The following KCTD16 variants were observed in gnomAD, a reference collection of about 807,000 sequenced individuals.
The protein encoded by KCTD16 is potassium channel tetramerization domain containing 16, also known as BTB/POZ domain-containing protein KCTD16.
KCTD16 carries 13 observed loss-of-function variants against 33.2 expected under a neutral mutation model. The observed-to-expected ratio is 0.39, with a 90% confidence interval of 0.25 to 0.62. The LOEUF is 0.62. Ranked by LOEUF, KCTD16 falls within the 20% of genes least tolerant of loss-of-function variation. The pLI is 0.50. For synonymous variants in KCTD16, 197 were observed against 195.3 expected (o/e 1.01, Z -0.07); for missense variants, 441 against 525.1 (o/e 0.84, Z 1.57).
At chr5:144,189,362 G>A (rs1408068603) in intron 2 of KCTD16, among the ~76,000 whole-genome samples, 1 of 152,050 alleles carries the variant, frequency 6.6e-6, no homozygotes, top group Non-Finnish European at 1.5e-5. Context: ...CGGGTGTGGT[G>A]GCGGGCGCCT....
At chr5:144,305,631 T>C (rs1227775503) in intron 3 of KCTD16, among the ~76,000 whole-genome samples, 1 of 151,994 alleles carries the variant, frequency 6.6e-6, no homozygotes, top group Admixed American at 6.5e-5. Flanking sequence ...CTGGCCAACA[T>C]GGTGAAACCC....
At chr5:144,377,010 C>T (rs1007349914) in intron 3 of KCTD16, among the ~76,000 whole-genome samples, 2 of 152,160 alleles carry the variant, frequency 1.3e-5, no homozygotes, top group African/African-American at 4.8e-5. Context: ...CATATCTACG[C>T]ATTCAGACTT....
chr5:144,437,660 G>A (rs1012213353), intron 3 of KCTD16, among the ~76,000 whole-genome samples: 1 of 152,108 alleles, frequency 6.6e-6, no homozygotes, highest in African/African-American at 2.4e-5. Context: ...AACATGTACA[G>A]GTAGTAACTA....
intron 2 of KCTD16, among the ~76,000 whole-genome samples, chr5:144,193,374 C>A (rs905482949): frequency 1.3e-5 from 2 of 152,028 alleles, no homozygotes; most frequent in Admixed American, 1.3e-4. Flanking sequence ...TTGAACAAGC[C>A]GAGCTTAGTT....
chr5:144,459,250 C>T (rs528397372), intron 3 of KCTD16, among the ~76,000 whole-genome samples: 1 of 152,202 alleles, frequency 6.6e-6, no homozygotes, highest in Non-Finnish European at 1.5e-5. Flanking sequence ...ATTCTCCATC[C>T]TCACTCCTAG....
At chr5:144,341,589 C>T (rs1054780755) in intron 3 of KCTD16, among the ~76,000 whole-genome samples, 15 of 152,264 alleles carry the variant, frequency 9.9e-5, no homozygotes, top group African/African-American at 3.6e-4. Context: ...ACAAAAACCA[C>T]CTTCAAAAGA....
At chr5:144,287,790 C>T (rs543602990) in intron 3 of KCTD16, among the ~76,000 whole-genome samples, 1 of 152,100 alleles carries the variant, frequency 6.6e-6, no homozygotes, top group African/African-American at 2.4e-5. Flanking sequence ...CTCGCACGAC[C>T]TCATCTGGCT....
intron 3 of KCTD16, among the ~76,000 whole-genome samples, chr5:144,342,961 T>C (rs1486341447): frequency 6.6e-6 from 1 of 152,248 alleles, no homozygotes; most frequent in Non-Finnish European, 1.5e-5. Context: ...CTTTTTGATG[T>C]ACTGCCGGAT....
At position 144,447,293 on chromosome 5, in the gene KCTD16, A is replaced by T. The variant is rs575620174; in HGVS notation, c.833-26367A>T. Among the ~76,000 whole-genome samples the T allele has an allele frequency of 9.7e-4, 148 of 152,280 alleles. 2 individuals carry two copies. Among genetic ancestry groups the T allele is most frequent in the African/African-American group, 3.3e-3 (139 of 41,556 alleles). Reference sequence around the variant, plus strand: ...GAAGCTGGAAACCATCATTCTCAGCAAACTAACACAGGAACAGAAAGCCAA... The same window carrying T: ...GAAGCTGGAAACCATCATTCTCAGCTAACTAACACAGGAACAGAAAGCCAA... On this transcript the variant is annotated intron_variant, in intron 3 of 3. Coordinates refer to ENST00000512467, the MANE Select transcript of KCTD16 (RefSeq NM_020768.4).
intron 2 of KCTD16, among the ~76,000 whole-genome samples, chr5:144,182,944 G>T (rs2126774811): frequency 6.6e-6 from 1 of 151,960 alleles, no homozygotes; most frequent in African/African-American, 2.4e-5. Context: ...AGAGTATCTT[G>T]TGAGATGATG....
intron 3 of KCTD16, among the ~76,000 whole-genome samples, chr5:144,409,262 TCTTTA>T (rs1221937316): frequency 6.6e-6 from 1 of 152,198 alleles, no homozygotes; most frequent in Admixed American, 6.5e-5. Flanking sequence ...TTTTTACATG[TCTTTA>T]AGTTTTTACA....
At chr5:144,438,400 T>C (rs544314295) in intron 3 of KCTD16, among the ~76,000 whole-genome samples, 1 of 152,352 alleles carries the variant, frequency 6.6e-6, no homozygotes, top group South Asian at 2.1e-4. Context: ...ATCAATGTCA[T>C]TAACACTCTG....
intron 3 of KCTD16, among the ~76,000 whole-genome samples, chr5:144,284,259 C>T (rs1237299952): frequency 6.6e-6 from 1 of 152,122 alleles, no homozygotes; most frequent in African/African-American, 2.4e-5. Context: ...GCATGGACTA[C>T]TAGTGAGAAA....
intron 3 of KCTD16, among the ~76,000 whole-genome samples, chr5:144,365,750 G>C (rs1416293298): frequency 6.6e-6 from 1 of 150,844 alleles, no homozygotes; most frequent in Non-Finnish European, 1.5e-5. Flanking sequence ...TAAAGGATTA[G>C]AGTTTGTGGA....
chr5:144,406,458 G>C (rs578060853), intron 3 of KCTD16, among the ~76,000 whole-genome samples: 223 of 152,286 alleles, frequency 1.5e-3, no homozygotes, highest in African/African-American at 5.0e-3. Flanking sequence ...CTCAATGGCA[G>C]GGTGTCTTTT....
At chr5:144,361,909 TGTG>T (rs1751723080) in intron 3 of KCTD16, among the ~76,000 whole-genome samples, 3 of 19,158 alleles carry the variant, frequency 1.6e-4, no homozygotes, top group South Asian at 9.5e-3. Flanking sequence ...TGTTATTTTG[TGTG>T]TGTGTGTGTG....
chr5:144,455,361 A>C (rs1468958365), intron 3 of KCTD16, among the ~76,000 whole-genome samples: 2 of 152,154 alleles, frequency 1.3e-5, no homozygotes, highest in Non-Finnish European at 2.9e-5. Flanking sequence ...CATATGACGA[A>C]GCGGGGGCAC....
chr5:144,367,570 G>C (rs778914599), intron 3 of KCTD16, among the ~76,000 whole-genome samples: 94 of 151,990 alleles, frequency 6.2e-4, no homozygotes, highest in Non-Finnish European at 1.3e-3. Flanking sequence ...AAGATTGTGT[G>C]TCCCCAAGGA....
At chr5:144,374,867 G>A (rs1348718236) in intron 3 of KCTD16, among the ~76,000 whole-genome samples, 2 of 152,014 alleles carry the variant, frequency 1.3e-5, no homozygotes, top group Non-Finnish European at 2.9e-5. Flanking sequence ...CTACAGGTTT[G>A]TTTCAGTTCC....
Sources: allele counts gnomAD v4.1 joint callset (sites outside exome capture counted in the v4.1 genomes callset), GRCh38; gene constraint gnomAD v4.1.1; transcripts MANE v1.5; gene names NCBI Gene and HGNC (gene_info 2026-07-23, HGNC 2026-07-21).